The following PAK5 variants were observed in gnomAD, a reference collection of about 807,000 sequenced individuals.
The protein encoded by PAK5 is serine/threonine-protein kinase PAK 5.
A neutral mutation model predicts 65.9 loss-of-function variants in PAK5; 16 were observed. The ratio of observed to expected loss-of-function variants is 0.24; its 90% CI spans 0.16 to 0.37. PAK5 has a LOEUF of 0.37. PAK5 is among the 10% of genes least tolerant of loss of function. PAK5 has a pLI of 1.00. For synonymous variants in PAK5, 371 were observed against 354.9 expected (o/e 1.05, Z -0.51); for missense variants, 785 against 903.9 (o/e 0.87, Z 1.69).
At chr20:9,658,791 T>C (rs1204473721) in intron 2 of PAK5, among the ~76,000 whole-genome samples, 1 of 152,146 alleles carries the variant, frequency 6.6e-6, no homozygotes, top group Non-Finnish European at 1.5e-5. Context: ...TTGCAGAACA[T>C]TTTTTTAATT....
chr20:9,795,511 T>A (rs2049094944), intron 1 of PAK5, among the ~76,000 whole-genome samples: 2 of 152,090 alleles, frequency 1.3e-5, no homozygotes, highest in African/African-American at 4.8e-5. Flanking sequence ...TAAAATTATC[T>A]TTTGTTGACA....
At chr20:9,713,157 A>G (rs2048098485) in intron 1 of PAK5, among the ~76,000 whole-genome samples, 2 of 152,160 alleles carry the variant, frequency 1.3e-5, no homozygotes, top group African/African-American at 2.4e-5. Context: ...TTAGAAACTC[A>G]AACAACTCAA....
At chr20:9,793,194 C>A (rs2049068368) in intron 1 of PAK5, among the ~76,000 whole-genome samples, 1 of 152,052 alleles carries the variant, frequency 6.6e-6, no homozygotes, top group Non-Finnish European at 1.5e-5. Context: ...ATTTAAGCAT[C>A]CACGCTGCAA....
At chr20:9,720,654 A>C (rs1240283382) in intron 1 of PAK5, among the ~76,000 whole-genome samples, 3 of 152,156 alleles carry the variant, frequency 2.0e-5, no homozygotes, top group Non-Finnish European at 4.4e-5. Flanking sequence ...GTAGTATAGG[A>C]ATGTTCATAA....
At chr20:9,707,321 G>T (rs1231821342) in intron 2 of PAK5, among the ~76,000 whole-genome samples, 2 of 151,978 alleles carry the variant, frequency 1.3e-5, no homozygotes, top group African/African-American at 4.8e-5. Flanking sequence ...ATTTGCCCAG[G>T]CTGGTCTCAA....
intron 1 of PAK5, among the ~76,000 whole-genome samples, chr20:9,806,208 C>T (rs973364689): frequency 2.6e-4 from 39 of 152,160 alleles, no homozygotes; most frequent in African/African-American, 9.2e-4. Context: ...AGGCTGGTCT[C>T]GAACTCCTGG....
intron 1 of PAK5, among the ~76,000 whole-genome samples, chr20:9,783,934 A>C (rs756021144): frequency 4.6e-5 from 7 of 152,212 alleles, no homozygotes; most frequent in Non-Finnish European, 7.3e-5. Context: ...CATGCCATTC[A>C]ATACATTAAT....
chr20:9,658,198 A>T (rs1465623960), intron 2 of PAK5, among the ~76,000 whole-genome samples: 1 of 152,220 alleles, frequency 6.6e-6, no homozygotes, highest in Non-Finnish European at 1.5e-5. Context: ...CCATCCCAAC[A>T]TTTAGTGACT....
chr20:9,690,099 C>T (rs2047771940), intron 2 of PAK5, among the ~76,000 whole-genome samples: 1 of 152,196 alleles, frequency 6.6e-6, no homozygotes, highest in Admixed American at 6.5e-5. Flanking sequence ...TAGGAATTGA[C>T]TCACTTAGGT....
chr20:9,722,717 G>A (rs1209455475), intron 1 of PAK5, among the ~76,000 whole-genome samples: 1 of 151,948 alleles, frequency 6.6e-6, no homozygotes, highest in Non-Finnish European at 1.5e-5. Context: ...GGATTTTATT[G>A]TAAGTCCCAA....
At chr20:9,649,942 A>T (rs949175704) in intron 2 of PAK5, among the ~76,000 whole-genome samples, 4 of 152,210 alleles carry the variant, frequency 2.6e-5, no homozygotes, top group African/African-American at 9.7e-5. Flanking sequence ...AAGTTCATTC[A>T]AGTAGGAAGA....
At chr20:9,754,204 C>G (rs548054944) in intron 1 of PAK5, among the ~76,000 whole-genome samples, 1 of 152,052 alleles carries the variant, frequency 6.6e-6, no homozygotes, top group South Asian at 2.1e-4. Flanking sequence ...TGCCCACTGC[C>G]CAGATATTAA....
At chr20:9,566,483 C>T (rs755580172) in intron 4 of PAK5, 99 bp from the exon 5 acceptor site, 2 of 1,190,200 alleles carry the variant, frequency 1.7e-6, no homozygotes, top group Non-Finnish European at 2.4e-6. Flanking sequence ...GAATGAGGAT[C>T]ACCAGTGGGA....
chr20:9,772,200 G>A (rs1442610074), intron 1 of PAK5, among the ~76,000 whole-genome samples: 1 of 152,166 alleles, frequency 6.6e-6, no homozygotes, highest in Non-Finnish European at 1.5e-5. Flanking sequence ...AGAATCCAAA[G>A]GTAATGGATG....
intron 1 of PAK5, among the ~76,000 whole-genome samples, chr20:9,809,657 T>C (rs2049275461): frequency 6.6e-6 from 1 of 152,206 alleles, no homozygotes; most frequent in Non-Finnish European, 1.5e-5. Flanking sequence ...TGTCAAACAT[T>C]TCTTAAACTA....
At chr20:9,630,533 A>G (rs1159461297) in intron 3 of PAK5, among the ~76,000 whole-genome samples, 1 of 152,194 alleles carries the variant, frequency 6.6e-6, no homozygotes, top group Non-Finnish European at 1.5e-5. Context: ...AACTCTACAA[A>G]GTTCTTAAGG....
intron 7 of PAK5, among the ~76,000 whole-genome samples, chr20:9,550,407 A>G (rs970220328): frequency 6.6e-6 from 1 of 152,150 alleles, no homozygotes; most frequent in African/African-American, 2.4e-5. Flanking sequence ...AGGAGAAAGG[A>G]ACAAGAAGAT....
At chr20:9,550,221 A>G (rs2206386) in intron 7 of PAK5, among the ~76,000 whole-genome samples, 50,746 of 152,026 alleles carry the variant, frequency 0.33, 11,199 homozygotes, top group African/African-American at 0.64. Flanking sequence ...CAAGCCTGTG[A>G]TTGGGACAAG....
chr20:9,741,328 T>C (rs190939966), intron 1 of PAK5, among the ~76,000 whole-genome samples: 2 of 152,256 alleles, frequency 1.3e-5, no homozygotes, highest in African/African-American at 4.8e-5. Context: ...CACACTCCTT[T>C]AGATTACCCT....
Sources: gnomAD v4.1 joint callset for allele counts (sites outside exome capture counted in the v4.1 genomes callset) on GRCh38, gnomAD v4.1.1 for gene constraint, MANE v1.5 for transcripts, NCBI Gene and HGNC (gene_info 2026-07-23, HGNC 2026-07-21) for gene names.